RC3H1: variants seen among roughly 807,000 people sequenced by gnomAD.
The protein encoded by RC3H1 is roquin-1.
A neutral mutation model predicts 138.2 loss-of-function variants in RC3H1; 50 were observed. The observed-to-expected ratio is 0.36, with a 90% CI of 0.29 to 0.46. RC3H1 has a LOEUF of 0.46. RC3H1 is among the 20% of genes least tolerant of loss of function. RC3H1 has a pLI of 1.00. For missense variants in RC3H1, 1,031 were observed against 1,388.1 expected, an observed-to-expected ratio of 0.74 and a Z score of 4.09; for synonymous variants, 462 against 489.1, an observed-to-expected ratio of 0.94 and a Z score of 0.73.
chr1:174,002,811 T>G (rs1661584928), intron 1 of RC3H1, among the ~76,000 whole-genome samples: 1 of 152,164 alleles, frequency 6.6e-6, no homozygotes, highest in East Asian at 1.9e-4. Context: ...ATTGAGGGCT[T>G]CTTCTTCTCT....
At chr1:173,997,337 G>A (rs948646768) in intron 1 of RC3H1, among the ~76,000 whole-genome samples, 2 of 152,126 alleles carry the variant, frequency 1.3e-5, no homozygotes, top group Non-Finnish European at 2.9e-5. Context: ...GTAACACAAA[G>A]CTAGAGTACA....
intron 12 of RC3H1, 116 bp from the exon 13 acceptor site, chr1:173,961,360 T>A (rs114730434): frequency 1.2e-5 from 10 of 864,862 alleles, no homozygotes; most frequent in Non-Finnish European, 1.6e-5. Context: ...TTCTTAACAT[T>A]TGGAAACACC....
intron 14 of RC3H1, among the ~76,000 whole-genome samples, chr1:173,951,183 G>C (rs1406116855): frequency 6.6e-6 from 1 of 152,090 alleles, no homozygotes; most frequent in South Asian, 2.1e-4. Flanking sequence ...AAATTAGCTG[G>C]CCGTGGTGGC....
chr1:173,952,163 CA>C (rs74263815), intron 13 of RC3H1, 25 bp from the exon 14 acceptor site: 150,695 of 854,200 alleles, frequency 0.18, 7 homozygotes, highest in Middle Eastern at 0.2. Context: ...AGAAAAAAAA[CA>C]AAAAAAAAAA....
intron 17 of RC3H1, among the ~76,000 whole-genome samples, chr1:173,944,052 T>C (rs1659025810): frequency 6.6e-6 from 1 of 151,686 alleles, no homozygotes; most frequent in Admixed American, 6.6e-5. Flanking sequence ...TGTGGGCCCG[T>C]AGTCCTAGCT....
chr1:173,991,907 A>G (rs1199305822), intron 2 of RC3H1, among the ~76,000 whole-genome samples: 1 of 152,164 alleles, frequency 6.6e-6, no homozygotes, highest in Non-Finnish European at 1.5e-5. Context: ...GTGATAATAT[A>G]TACATAACAC....
Position 173,934,545 on chromosome 1 carries a change from A to T in RC3H1, c.*4176T>A, listed in dbSNP as rs1658503594. The T allele has an allele frequency of 6.6e-6, 1 of 152,212 alleles. No individual in the cohort carries two copies. Among genetic ancestry groups the T allele is most frequent in the Non-Finnish European group, 1.5e-5 (1 of 68,036 alleles). The allele number at this position is 152,212 out of a possible 1,614,324, so 9.4% of individuals were successfully genotyped here. ...ATCAAAATGGCTACTACTTCCCCCA[A>T]AACCAAAACAGAGTAAAGCACAAGT... On this transcript the variant is annotated 3_prime_UTR_variant, in exon 20 of 20. Coordinates refer to ENST00000367696, the MANE Select transcript of RC3H1 (RefSeq NM_172071.4).
In RC3H1 at chr1:173,934,731, G is replaced by C. The variant is rs1365145511; in HGVS notation, c.*3990C>G. On this transcript the variant is annotated 3_prime_UTR_variant, in exon 20 of 20. Coordinates refer to ENST00000367696, the MANE Select transcript of RC3H1 (RefSeq NM_172071.4). Reference sequence around the variant, plus strand: ...ATTGGCTAAGCGAATTCATTTGAATGCTCTGTTTTGAGGCAGCAAACTGTC... The same window carrying C: ...ATTGGCTAAGCGAATTCATTTGAATCCTCTGTTTTGAGGCAGCAAACTGTC... 2 of 152,160 alleles carry C rather than the reference G, an allele frequency of 1.3e-5. No homozygotes were observed. Among genetic ancestry groups the C allele is most frequent in the African/African-American group, 4.8e-5 (2 of 41,428 alleles). The allele number at this position is 152,160 out of a possible 1,614,324, so 9.4% of individuals were successfully genotyped here.
chr1:173,961,803 G>A lies in RC3H1; in HGVS notation c.2124C>T (p.Ser708=). Residue 708 remains serine, a synonymous_variant, in exon 12 of 20, where the codon TCC becomes TCT. Transcript: ENST00000367696. The part of the protein sequence containing the change: ...PAAVPSYVPE[S]RERYQQIESY... ...TCTCGATCTGTTGGTATCTTTCTCT[G>A]GATTCTGGTACATACGATGGTACTG... The A allele has an allele frequency of 6.2e-7, 1 of 1,613,606 alleles. No individual in the cohort carries two copies. The highest frequency in any genetic ancestry group is 1.1e-5 in the South Asian group (1 of 91,048).
At position 173,970,597 on chromosome 1, in the gene RC3H1, G is replaced by A. The variant is rs1247731183; in HGVS notation, c.1242C>T (p.Tyr414=). ...TCATATCTCGACACATGTATGTTTT[G>A]TATTTGCTATGCTGTGGAGGCTAAA... is the stretch of plus-strand genomic sequence containing the variant. ...DQQQPPQHSK[Y]KTYMCRDMKQ... is the part of the protein sequence containing the mutation. The change falls in exon 9 of 20, where the codon TAC becomes TAT. Residue 414 remains tyrosine, a synonymous_variant. Coordinates refer to ENST00000367696, the MANE Select transcript of RC3H1 (RefSeq NM_172071.4). The A allele has an allele frequency of 1.2e-6, 2 of 1,613,396 alleles. No homozygotes were observed. Among genetic ancestry groups the A allele is most frequent in the Non-Finnish European group, 1.7e-6 (2 of 1,179,724 alleles).
chr1:174,020,080 T>C (rs545387507), intron 1 of RC3H1, among the ~76,000 whole-genome samples: 1 of 150,870 alleles, frequency 6.6e-6, no homozygotes, highest in East Asian at 1.9e-4. Context: ...AATTTAAGTA[T>C]CATTATAACA....
chr1:173,951,569 C>T (rs1402839285), intron 14 of RC3H1, among the ~76,000 whole-genome samples: 1 of 151,570 alleles, frequency 6.6e-6, no homozygotes, highest in African/African-American at 2.4e-5. Flanking sequence ...GAGACGGAGT[C>T]TCGCTTTGTC....
At chr1:174,002,665 C>A (rs1661583021) in intron 1 of RC3H1, among the ~76,000 whole-genome samples, 1 of 152,154 alleles carries the variant, frequency 6.6e-6, no homozygotes, top group Non-Finnish European at 1.5e-5. Context: ...ATTCAAGAGT[C>A]ATATCTCAAT....
chr1:173,977,388 G>A lies in RC3H1; in HGVS notation c.1102+1100C>T, dbSNP rs550778560. Among the ~76,000 whole-genome samples the A allele has an allele frequency of 2.0e-5, 3 of 152,298 alleles. No individual in the cohort carries two copies. The South Asian group carries it at 6.2e-4, about 32-fold the overall frequency. On this transcript the variant is annotated intron_variant, in intron 7 of 19. Coordinates refer to ENST00000367696, the MANE Select transcript of RC3H1 (RefSeq NM_172071.4). ...GAAAGAAGAACAGATAAATCCCATT[G>A]TATGAAACAGTATGTAGAACAAGTG... is the stretch of plus-strand genomic sequence containing the variant.
At chr1:174,021,380 T>G (rs1351545215) in intron 1 of RC3H1, among the ~76,000 whole-genome samples, 1 of 152,218 alleles carries the variant, frequency 6.6e-6, no homozygotes, top group African/African-American at 2.4e-5. Context: ...CGGGCATAAC[T>G]GATGTTTATA....
intron 13 of RC3H1, among the ~76,000 whole-genome samples, chr1:173,954,690 C>T (rs1253386384): frequency 6.6e-6 from 1 of 152,094 alleles, no homozygotes; most frequent in Non-Finnish European, 1.5e-5. Flanking sequence ...GGTTTATTTA[C>T]TTATTTACAA....
At chr1:174,009,588 C>T (rs916779662) in intron 1 of RC3H1, among the ~76,000 whole-genome samples, 8 of 152,138 alleles carry the variant, frequency 5.3e-5, no homozygotes, top group African/African-American at 9.7e-5. Flanking sequence ...TCTGTAATCC[C>T]GGCATTTTGG....
intron 14 of RC3H1, 122 bp downstream of exon 14, chr1:173,951,864 G>C (rs1156290930): frequency 1.2e-6 from 1 of 820,246 alleles, no homozygotes; most frequent in South Asian, 2.7e-5. Context: ...CAACTGCAGA[G>C]TATAGAATAT....
intron 1 of RC3H1, among the ~76,000 whole-genome samples, chr1:174,010,113 T>C (rs1019493872): frequency 6.6e-6 from 1 of 152,090 alleles, no homozygotes; most frequent in Non-Finnish European, 1.5e-5. Flanking sequence ...CTGGTAATCA[T>C]GCCTGATGTC....
Sources: gnomAD v4.1 joint callset for allele counts (sites outside exome capture counted in the v4.1 genomes callset) on GRCh38, gnomAD v4.1.1 for gene constraint, MANE v1.5 for transcripts, NCBI Gene and HGNC (gene_info 2026-07-23, HGNC 2026-07-21) for gene names.